ANKDD1B: variants seen among roughly 807,000 people sequenced by gnomAD.
The protein encoded by ANKDD1B is ankyrin repeat and death domain containing 1B.
ANKDD1B carries 57 observed loss-of-function variants against 59.7 expected under a neutral mutation model. That is an observed-to-expected ratio of 0.95 (90% CI 0.77 to 1.19). The LOEUF (loss-of-function observed/expected upper bound fraction) is 1.19, where lower values mean the gene tolerates loss of function less well. Ranked by LOEUF, ANKDD1B falls within the 50% of genes most tolerant of loss-of-function variation. ANKDD1B has a pLI of 0.00. For missense variants in ANKDD1B, 602 were observed against 641.9 expected (o/e 0.94, Z 0.67); for synonymous variants, 216 against 239.5 (o/e 0.90, Z 0.91).
chr5:75,622,505 C>T (rs1773876594), intron 3 of ANKDD1B, among the ~76,000 whole-genome samples: 1 of 152,134 alleles, frequency 6.6e-6, no homozygotes, highest in African/African-American at 2.4e-5. Context: ...ACCCCGAGTC[C>T]TGGGAAGAGG....
chr5:75,658,273 G>A (rs1402887732), intron 9 of ANKDD1B, among the ~76,000 whole-genome samples: 1 of 152,120 alleles, frequency 6.6e-6, no homozygotes, highest in Non-Finnish European at 1.5e-5. Context: ...CCTGTGCTCT[G>A]GTAGGAAGAG....
At chr5:75,669,599 G>C (rs1253981771) in intron 13 of ANKDD1B, among the ~76,000 whole-genome samples, 1 of 152,088 alleles carries the variant, frequency 6.6e-6, no homozygotes, top group Non-Finnish European at 1.5e-5. Flanking sequence ...TGGCAGTTCT[G>C]TGTCATCCCC....
chr5:75,648,647 AT>A (rs1457418892), intron 7 of ANKDD1B, among the ~76,000 whole-genome samples: 1 of 152,172 alleles, frequency 6.6e-6, no homozygotes, highest in East Asian at 1.9e-4. Context: ...TACTTTTAGA[AT>A]TTTTCCCGAG....
At chr5:75,661,082 T>G (rs1775123881) in intron 10 of ANKDD1B, among the ~76,000 whole-genome samples, 1 of 151,654 alleles carries the variant, frequency 6.6e-6, no homozygotes, top group East Asian at 1.9e-4. Flanking sequence ...TTTTTTGTTT[T>G]TTTTTTTCTG....
At chr5:75,648,200 T>C (rs1282686851) in intron 7 of ANKDD1B, among the ~76,000 whole-genome samples, 1 of 113,544 alleles carries the variant, frequency 8.8e-6, no homozygotes, top group Non-Finnish European at 1.7e-5. Context: ...CATGTATACA[T>C]ATGTAACTAA....
intron 1 of ANKDD1B, among the ~76,000 whole-genome samples, chr5:75,615,703 T>TCC (rs1773699018): frequency 6.7e-6 from 1 of 150,294 alleles, no homozygotes; most frequent in Admixed American, 6.6e-5. Flanking sequence ...TGTGTGTGTG[T>TCC]CCTAATCTCT....
Position 75,613,754 on chromosome 5 carries a change from C to T in ANKDD1B, c.193+1927C>T, listed in dbSNP as rs555025592. ...GGGAAGAATTTAAGAGACCTGTTAG[C>T]ATGTGTATCAGTCAGGACAAAGTAA... is the stretch of plus-strand genomic sequence containing the variant. On this transcript the variant is annotated intron_variant, in intron 1 of 13. Transcript: ENST00000601380. Among the ~76,000 whole-genome samples the T allele has an allele frequency of 6.6e-5, 10 of 152,292 alleles. No individual in the cohort carries two copies. The South Asian group carries it at 1.9e-3, about 28-fold the overall frequency.
intron 1 of ANKDD1B, among the ~76,000 whole-genome samples, chr5:75,615,996 A>G (rs1773707440): frequency 6.6e-6 from 1 of 152,206 alleles, no homozygotes. Flanking sequence ...TGATGGTACC[A>G]TTTAAAAAAC....
At chr5:75,635,104 C>A in intron 6 of ANKDD1B, 108 bp downstream of exon 6, 1 of 689,380 alleles carries the variant, frequency 1.5e-6, no homozygotes, top group African/African-American at 1.8e-5. Flanking sequence ...TTTTAGTCAG[C>A]AGGAGAGTTA....
rs1561439319 is a variant in ANKDD1B at position 75,637,270 on chromosome 5, A to AAAAAAAG, written c.798+1391_798+1392insAAAGAAA. ...AAAAAAAAAAAAAAAAAAAAAAAAA[A>AAAAAAAG]AAAGAAAGAAAAAAGAAACTGGTTC... On this transcript the variant is annotated intron_variant, in intron 7 of 13. Transcript: ENST00000601380. 1.8e-4 allele frequency among the ~76,000 whole-genome samples: 25 copies of AAAAAAAG among 141,968 alleles called. 1 individual carries two copies. The East Asian group carries it at 4.3e-3, about 24-fold the overall frequency. The allele number at this position is 141,968 out of a possible 152,430, so 93.1% of individuals were successfully genotyped here.
In ANKDD1B at chr5:75,666,844, A is replaced by G; in HGVS notation, c.1244A>G (p.Lys415Arg). Reference sequence around the variant, plus strand: ...TCAACAGGCTTTACTCTGACATTCAAGCAAGATCACAGTCTGGAGACCAGA... The same window carrying G: ...TCAACAGGCTTTACTCTGACATTCAGGCAAGATCACAGTCTGGAGACCAGA... ...DPSTGFTLTF[K>R]QDHSLETRHI... The change falls in exon 12 of 14, where the codon AAG (lysine) becomes AGG (arginine). Residue 415 changes from lysine (K) to arginine (R), a missense_variant. Transcript: ENST00000601380. 6.5e-7 allele frequency: 1 copy of G among 1,536,090 alleles called. No individual in the cohort carries two copies. Among genetic ancestry groups the G allele is most frequent in the South Asian group, 1.2e-5 (1 of 84,060 alleles).
intron 9 of ANKDD1B, among the ~76,000 whole-genome samples, chr5:75,656,881 C>T (rs1774993800): frequency 1.3e-5 from 2 of 152,208 alleles, no homozygotes; most frequent in South Asian, 4.1e-4. Context: ...GCATGCCTGC[C>T]TGTCCTAATA....
chr5:75,663,336 C>A, intron 10 of ANKDD1B, 58 bp from the exon 11 acceptor site: 1 of 1,304,438 alleles, frequency 7.7e-7, no homozygotes, highest in Non-Finnish European at 1.1e-6. Context: ...TGTTCCAAAA[C>A]TAGAGCTCCT....
chr5:75,663,464 C>T lies in ANKDD1B; in HGVS notation c.1166C>T (p.Ala389Val). The change falls in exon 11 of 14, where the codon GCA (alanine) becomes GTA (valine). Residue 389 changes from alanine to valine, a missense_variant. Transcript: ENST00000601380. ...CTTGTCGTGGGCATGCTCATTAAAG[C>T]AGAGAGATACTACGCCTGGAGAGAG... The part of the protein sequence containing the change: ...HSLVVGMLIK[A>V]ERYYAWREEH... The T allele has an allele frequency of 6.5e-7, 1 of 1,536,406 alleles. No individual in the cohort carries two copies. Among genetic ancestry groups the T allele is most frequent in the Non-Finnish European group, 8.7e-7 (1 of 1,146,920 alleles).
chr5:75,635,821 G>C lies in ANKDD1B; in HGVS notation c.737G>C (p.Gly246Ala). The C allele has an allele frequency of 1.3e-6, 2 of 1,533,826 alleles. No individual in the cohort carries two copies. Among genetic ancestry groups the C allele is most frequent in the Non-Finnish European group, 1.7e-6 (2 of 1,145,300 alleles). ...GCCTTGCACCTCGCTGCGAAGCATG[G>C]TCACAGTCCTGCAGTGCAGGTGCTG... ...NTALHLAAKHGHSPAVQVLLA... is the reference protein window; with the variant it reads ...NTALHLAAKHAHSPAVQVLLA... Residue 246 changes from glycine (G) to alanine (A), a missense_variant, in exon 7 of 14, where the codon GGT becomes GCT. By Grantham distance (60) the Gly-to-Ala change is moderately conservative (BLOSUM62 0). This residue lies in a region of ANKDD1B where 317 missense variants were observed against 304.6 expected (regional missense o/e 1.04). Transcript: ENST00000601380.
chr5:75,635,149 T>C (rs908776895), intron 6 of ANKDD1B, among the ~76,000 whole-genome samples, 153 bp downstream of exon 6: 3 of 152,170 alleles, frequency 2.0e-5, no homozygotes, highest in Non-Finnish European at 4.4e-5. Context: ...TCATGAACTA[T>C]CCAGGCAAAA....
rs567283165 is a variant in ANKDD1B, at chr5:75,662,338, C to T, written c.1096-1056C>T. ...GATTACAGGCTGATTACTTTCAGCCCTAATTTTCCTGCTCCCCTGGGTCTT... is the reference window on the plus strand; with the variant it reads ...GATTACAGGCTGATTACTTTCAGCCTTAATTTTCCTGCTCCCCTGGGTCTT... On this transcript the variant is annotated intron_variant, in intron 10 of 13. Coordinates refer to ENST00000601380, the MANE Select transcript of ANKDD1B (RefSeq NM_001276713.2). 3.9e-5 allele frequency among the ~76,000 whole-genome samples: 6 copies of T among 152,256 alleles called. No homozygotes were observed. The South Asian group carries it at 1.2e-3, about 32-fold the overall frequency.
At chr5:75,619,665 G>A (rs1773797176) in intron 2 of ANKDD1B, among the ~76,000 whole-genome samples, 2 of 152,144 alleles carry the variant, frequency 1.3e-5, no homozygotes, top group Admixed American at 1.3e-4. Context: ...TCACTTCCGA[G>A]CATAACTTCC....
intron 10 of ANKDD1B, among the ~76,000 whole-genome samples, chr5:75,660,668 G>C (rs1775111757): frequency 6.6e-6 from 1 of 152,194 alleles, no homozygotes; most frequent in Non-Finnish European, 1.5e-5. Flanking sequence ...GGAGGTCCCT[G>C]GGTACAGTCC....
Sources: gnomAD v4.1 joint callset for allele counts (sites outside exome capture counted in the v4.1 genomes callset) on GRCh38, gnomAD v4.1.1 for gene constraint, gnomAD v4.1.1 regional missense constraint, MANE v1.5 for transcripts, NCBI Gene and HGNC (gene_info 2026-07-23, HGNC 2026-07-21) for gene names.